SLCO1B1: variants seen among roughly 807,000 people sequenced by gnomAD.
The protein encoded by SLCO1B1 is OATP-2.
SLCO1B1 carries 81 observed loss-of-function variants against 70.1 expected under a neutral mutation model. The ratio of observed to expected loss-of-function variants is 1.16; its 90% CI spans 0.97 to 1.39. The LOEUF (loss-of-function observed/expected upper bound fraction) is 1.39, where lower values mean the gene tolerates loss of function less well. Ranked by LOEUF, SLCO1B1 falls within the 40% of genes most tolerant of loss-of-function variation. The probability of loss-of-function intolerance (pLI) is 0.00; values close to 1 mark genes in which losing one functional copy is unlikely to be tolerated. For missense variants in SLCO1B1, 895 were observed against 799.6 expected, an observed-to-expected ratio of 1.12 and a Z score of -1.44; for synonymous variants, 283 against 271.5, an observed-to-expected ratio of 1.04 and a Z score of -0.42.
intron 7 of SLCO1B1, among the ~76,000 whole-genome samples, chr12:21,191,715 A>T (rs1351250081): frequency 2.6e-5 from 4 of 151,960 alleles, no homozygotes; most frequent in African/African-American, 9.7e-5. Context: ...TTGTTCCTGA[A>T]AGCTTTCTGT....
At chr12:21,200,961 A>G (rs933776832) in intron 9 of SLCO1B1, among the ~76,000 whole-genome samples, 7 of 152,128 alleles carry the variant, frequency 4.6e-5, no homozygotes, top group African/African-American at 1.7e-4. Flanking sequence ...ATTTAGTGCT[A>G]AGATCTGAGA....
Position 21,212,328 on chromosome 12 carries a change from A to T in SLCO1B1, c.1498-4791A>T, listed in dbSNP as rs1479442543. ...GCCTTCATTTCGTTATGTACCCAGT[A>T]GTCATTCAGGAGCAGGTTGTTCAGT... On this transcript the variant is annotated intron_variant, in intron 11 of 14. Transcript: ENST00000256958. 1.0e-4 allele frequency among the ~76,000 whole-genome samples: 9 copies of T among 88,806 alleles called. 1 individual carries two copies. The South Asian group carries it at 3.6e-3, about 35-fold the overall frequency. The allele number at this position is 88,806 out of a possible 152,430, so 58.3% of individuals were successfully genotyped here.
intron 2 of SLCO1B1, among the ~76,000 whole-genome samples, chr12:21,169,918 C>G (rs947006077): frequency 6.6e-6 from 1 of 152,142 alleles, no homozygotes; most frequent in African/African-American, 2.4e-5. Flanking sequence ...CTGTGGCCTA[C>G]TCATGCTTTT....
intron 14 of SLCO1B1, among the ~76,000 whole-genome samples, chr12:21,237,552 C>G (rs1353495158): frequency 3.9e-5 from 6 of 151,976 alleles, no homozygotes; most frequent in African/African-American, 1.5e-4. Context: ...AAATAACACA[C>G]CTACACGTAG....
At chr12:21,164,486 T>C (rs537931531) in intron 2 of SLCO1B1, among the ~76,000 whole-genome samples, 1 of 152,266 alleles carries the variant, frequency 6.6e-6, no homozygotes, top group South Asian at 2.1e-4. Context: ...TCTTTTTTAT[T>C]TTCTGAAGTC....
intron 1 of SLCO1B1, among the ~76,000 whole-genome samples, chr12:21,132,262 T>A (rs1419690197): frequency 6.6e-6 from 1 of 152,208 alleles, no homozygotes; most frequent in East Asian, 1.9e-4. Context: ...TGGTTCCAAG[T>A]CTTTGCTACT....
intron 1 of SLCO1B1, among the ~76,000 whole-genome samples, chr12:21,141,190 G>A (rs1336273689): frequency 2.0e-5 from 3 of 151,846 alleles, no homozygotes; most frequent in Non-Finnish European, 4.4e-5. Flanking sequence ...TACAATATAG[G>A]TGTGTAGAAA....
chr12:21,171,411 G>A (rs1403832219), intron 2 of SLCO1B1, among the ~76,000 whole-genome samples: 1 of 152,116 alleles, frequency 6.6e-6, no homozygotes, highest in African/African-American at 2.4e-5. Context: ...AGGATAGGTT[G>A]TTTATGGTCT....
At position 21,210,199 on chromosome 12, in the gene SLCO1B1, C is replaced by T. The variant is rs867544992; in HGVS notation, c.1497+4166C>T. On this transcript the variant is annotated intron_variant, in intron 11 of 14. Transcript: ENST00000256958. ...AGGGTTTTTATGGTTTTAGGTCTAA[C>T]GTTTAAGTCTTTAATCCATCTTGAA... 3.2e-4 allele frequency among the ~76,000 whole-genome samples: 44 copies of T among 139,578 alleles called. 1 individual carries two copies. The highest frequency in any genetic ancestry group is 9.2e-4 in the African/African-American group (34 of 37,004). The allele number at this position is 139,578 out of a possible 152,430, so 91.6% of individuals were successfully genotyped here. A position where few individuals can be genotyped will look rare whatever the true frequency, so the allele number is the denominator to read the frequency against.
chr12:21,136,530 C>G (rs910412806), intron 1 of SLCO1B1, among the ~76,000 whole-genome samples: 113 of 152,228 alleles, frequency 7.4e-4, no homozygotes, highest in African/African-American at 2.7e-3. Flanking sequence ...TTGTTCGTTT[C>G]TTTTTATTCT....
intron 9 of SLCO1B1, among the ~76,000 whole-genome samples, chr12:21,202,244 C>T (rs1941167028): frequency 6.6e-6 from 1 of 151,974 alleles, no homozygotes; most frequent in Admixed American, 6.6e-5. Context: ...AACATTAGGA[C>T]AAATACCTAA....
chr12:21,228,490 C>A (rs1340214330), intron 14 of SLCO1B1, among the ~76,000 whole-genome samples: 1 of 152,172 alleles, frequency 6.6e-6, no homozygotes, highest in Non-Finnish European at 1.5e-5. Flanking sequence ...TCCCTGGAAT[C>A]TGTAATTACA....
chr12:21,237,547 A>G (rs1941607573), intron 14 of SLCO1B1, among the ~76,000 whole-genome samples: 1 of 152,144 alleles, frequency 6.6e-6, no homozygotes, highest in Non-Finnish European at 1.5e-5. Flanking sequence ...TTTGAAAATA[A>G]CACACCTACA....
intron 11 of SLCO1B1, among the ~76,000 whole-genome samples, chr12:21,211,151 G>A (rs1241488768): frequency 1.3e-5 from 2 of 152,174 alleles, no homozygotes; most frequent in Non-Finnish European, 2.9e-5. Flanking sequence ...TTTTCAAACG[G>A]AATGCTTCCA....
intron 10 of SLCO1B1, among the ~76,000 whole-genome samples, chr12:21,205,186 GAAAT>G (rs1170288836): frequency 2.0e-5 from 3 of 151,652 alleles, no homozygotes; most frequent in African/African-American, 4.8e-5. Flanking sequence ...TGTTTAAGCA[GAAAT>G]GAATTATACA....
At chr12:21,234,992 G>T (rs1941581747) in intron 14 of SLCO1B1, among the ~76,000 whole-genome samples, 1 of 147,480 alleles carries the variant, frequency 6.8e-6, no homozygotes, top group African/African-American at 2.4e-5. Context: ...TTTATGAACA[G>T]ATAAAAAATG....
intron 2 of SLCO1B1, among the ~76,000 whole-genome samples, chr12:21,156,603 A>T (rs1241920734): frequency 6.6e-6 from 1 of 152,160 alleles, no homozygotes; most frequent in Non-Finnish European, 1.5e-5. Context: ...CAGAAATTTT[A>T]AAAAATGCTG....
intron 1 of SLCO1B1, among the ~76,000 whole-genome samples, chr12:21,139,155 G>A (rs971550997): frequency 1.3e-5 from 2 of 151,932 alleles, no homozygotes; most frequent in African/African-American, 4.8e-5. Flanking sequence ...TATCCACCTT[G>A]CAAGTCATAC....
At chr12:21,238,589 A>G (rs1404046168) in intron 14 of SLCO1B1, among the ~76,000 whole-genome samples, 7 of 151,928 alleles carry the variant, frequency 4.6e-5, no homozygotes, top group Non-Finnish European at 1.0e-4. Flanking sequence ...GGTGCTGGAG[A>G]AGGGGTAGCA....
Sources: allele counts gnomAD v4.1 joint callset (sites outside exome capture counted in the v4.1 genomes callset), GRCh38; gene constraint gnomAD v4.1.1; transcripts MANE v1.5; gene names NCBI Gene and HGNC (gene_info 2026-07-23, HGNC 2026-07-21).